Variants in POU3F3 observed in about 807,000 individuals in gnomAD.
POU3F3 encodes POU class 3 homeobox 3.
Under a neutral mutation model 8.6 loss-of-function variants are expected in POU3F3, and 1 was observed. That is an observed-to-expected ratio of 0.12 (90% CI 0.04 to 0.55). The LOEUF is 0.55. POU3F3 is among the 20% of genes least tolerant of loss of function. POU3F3 has a pLI of 0.91. For missense variants in POU3F3, 577 were observed against 690.7 expected (o/e 0.84, Z 1.84); for synonymous variants, 418 against 327.4 (o/e 1.28, Z -2.99).
At position 104,856,682 on chromosome 2, in the gene POU3F3, C is replaced by T; in HGVS notation, c.1172C>T (p.Thr391Ile). 2 of 1,614,126 alleles carry T rather than the reference C, an allele frequency of 1.2e-6. No individual in the cohort carries two copies. Among genetic ancestry groups the T allele is most frequent in the East Asian group, 2.2e-5 (1 of 44,860 alleles). ...NKWLEEADSS[T>I]GSPTSIDKIA... ...TGGCTGGAGGAGGCGGACTCAAGCACCGGCAGCCCCACAAGCATCGACAAG... is the reference window on the plus strand; with the variant it reads ...TGGCTGGAGGAGGCGGACTCAAGCATCGGCAGCCCCACAAGCATCGACAAG... Residue 391 changes from threonine to isoleucine, a missense_variant, in exon 1 of 1, where the codon ACC (threonine) becomes ATC (isoleucine). Around this residue, in one of 7 missense-constraint regions of POU3F3, gnomAD observed 15 missense variants for 17.1 expected, o/e 0.88. Transcript: ENST00000361360.
At chr2:104,909,835 C>G in the POU3F3 span, among the ~76,000 whole-genome samples, 1 of 152,158 alleles carries the variant, frequency 6.6e-6, no homozygotes, top group Non-Finnish European at 1.5e-5. Context: ...GCAGGAATGC[C>G]TAATCTCTTG....
chr2:104,856,092 A>AGCC lies in POU3F3; in HGVS notation c.585_587dup (p.Ala204dup). 1 of 1,033,184 alleles carries AGCC rather than the reference A, an allele frequency of 9.7e-7. No homozygotes were observed. Among genetic ancestry groups the AGCC allele is most frequent in the Non-Finnish European group, 1.1e-6 (1 of 871,228 alleles). The allele number at this position is 1,033,184 out of a possible 1,614,324, so 64.0% of individuals were successfully genotyped here. A position where few individuals can be genotyped will look rare whatever the true frequency, so the allele number is the denominator to read the frequency against. ...GCTGGGGGGCGGCCGCCGCTGCCGC[A>AGCC]GCCGCAGCCGCCGCCGCCGCCGCCG... On this transcript the variant is annotated inframe_insertion, in exon 1 of 1. Coordinates refer to ENST00000361360, the MANE Select transcript of POU3F3 (RefSeq NM_006236.3).
the POU3F3 span, among the ~76,000 whole-genome samples, chr2:104,925,778 G>A: frequency 6.6e-6 from 1 of 152,150 alleles, no homozygotes; most frequent in East Asian, 1.9e-4. Context: ...GACAGAATCA[G>A]AGAAAATTAG....
At chr2:104,920,879 A>G in the POU3F3 span, among the ~76,000 whole-genome samples, 17 of 152,240 alleles carry the variant, frequency 1.1e-4, no homozygotes, top group Non-Finnish European at 2.4e-4. Context: ...TTGTGTTACA[A>G]TCTCTAAGGT....
upstream of POU3F3, chr2:104,853,930 A>T (rs544569528): frequency 4.1e-4 from 62 of 152,126 alleles, 1 homozygote; most frequent in African/African-American, 1.4e-3. Flanking sequence ...AGCTTCTACG[A>T]CGCTCTGCCT....
the POU3F3 span, among the ~76,000 whole-genome samples, chr2:104,900,237 C>T: frequency 6.6e-6 from 1 of 152,082 alleles, no homozygotes; most frequent in Non-Finnish European, 1.5e-5. Flanking sequence ...CAGACAAGGG[C>T]CATAAACGAT....
At chr2:104,898,569 G>T in the POU3F3 span, among the ~76,000 whole-genome samples, 1 of 152,128 alleles carries the variant, frequency 6.6e-6, no homozygotes, top group African/African-American at 2.4e-5. Flanking sequence ...CATATAAAGA[G>T]TTAATTAAAG....
chr2:104,915,886 G>C, the POU3F3 span, among the ~76,000 whole-genome samples: 1 of 151,988 alleles, frequency 6.6e-6, no homozygotes, highest in Non-Finnish European at 1.5e-5. Context: ...GGGTCTTTTA[G>C]ATGCTAATTG....
the POU3F3 span, among the ~76,000 whole-genome samples, chr2:104,882,283 G>A: frequency 1.6e-4 from 22 of 137,496 alleles, no homozygotes; most frequent in Non-Finnish European, 1.5e-4. Flanking sequence ...GTCTCACTCC[G>A]TCGCCCAGGC....
the POU3F3 span, among the ~76,000 whole-genome samples, chr2:104,882,657 G>A: frequency 3.3e-4 from 51 of 152,272 alleles, no homozygotes; most frequent in Middle Eastern, 3.4e-3. Flanking sequence ...ATTAAAAGCT[G>A]TCCTGACTTT....
chr2:104,857,024 C>T lies in POU3F3; in HGVS notation c.*11C>T. The T allele has an allele frequency of 6.4e-7, 1 of 1,564,080 alleles. No individual in the cohort carries two copies. On this transcript the variant is annotated 3_prime_UTR_variant, in exon 1 of 1. Coordinates refer to ENST00000361360, the MANE Select transcript of POU3F3 (RefSeq NM_006236.3). ...ACGAGCGTTCAGTGAAGCCAGGGCG[C>T]AGAGCGAAGAGGGCCGCCGCCGCCG...
chr2:104,889,450 A>C, the POU3F3 span, among the ~76,000 whole-genome samples: 4 of 152,172 alleles, frequency 2.6e-5, no homozygotes, highest in Non-Finnish European at 4.4e-5. Flanking sequence ...CCTGGTGTGC[A>C]TTCCTCCCAG....
chr2:104,893,155 T>TA, the POU3F3 span, among the ~76,000 whole-genome samples: 3 of 152,338 alleles, frequency 2.0e-5, 1 homozygote, highest in South Asian at 6.2e-4. Flanking sequence ...ACCCTCCAAG[T>TA]CACTCAATCA....
At chr2:104,866,322 A>G in the POU3F3 span, 1 of 152,126 alleles carries the variant, frequency 6.6e-6, no homozygotes, top group Non-Finnish European at 1.5e-5. Flanking sequence ...CAGTATTTAC[A>G]TATGTACCTG....
chr2:104,894,530 C>T, the POU3F3 span, among the ~76,000 whole-genome samples: 4,080 of 152,226 alleles, frequency 0.027, 182 homozygotes, highest in African/African-American at 0.094. Flanking sequence ...CCTGCCTGCA[C>T]GAGTGCTGGG....
the POU3F3 span, among the ~76,000 whole-genome samples, chr2:104,924,859 G>A: frequency 6.6e-6 from 1 of 152,086 alleles, no homozygotes; most frequent in Non-Finnish European, 1.5e-5. Flanking sequence ...GTTTGTAAAA[G>A]GTGATTAGTT....
chr2:104,890,412 A>G, the POU3F3 span, among the ~76,000 whole-genome samples: 1 of 152,072 alleles, frequency 6.6e-6, no homozygotes, highest in South Asian at 2.1e-4. Flanking sequence ...CCTGCAGCAC[A>G]AGGTTTGTCC....
chr2:104,888,393 C>T, the POU3F3 span, among the ~76,000 whole-genome samples: 3 of 152,154 alleles, frequency 2.0e-5, no homozygotes, highest in Non-Finnish European at 4.4e-5. Flanking sequence ...GCAGCTGGGA[C>T]CTCAGGCTGG....
chr2:104,855,839 C>T lies in POU3F3; in HGVS notation c.329C>T (p.Ala110Val). Reference sequence around the variant, plus strand: ...CCCCACGCCGCCGCCGCCGCCGCCGCTGCCGCCGCCGCCGCCGTGGAGGCG... The same window carrying T: ...CCCCACGCCGCCGCCGCCGCCGCCGTTGCCGCCGCCGCCGCCGTGGAGGCG... Reference protein sequence around the residue: ...ALPHAAAAAAAAAAAAVEASS... With the variant: ...ALPHAAAAAAVAAAAAVEASS... Residue 110 changes from alanine (A) to valine (V), a missense_variant, in exon 1 of 1, where the codon GCT becomes GTT. Physicochemically the swap from Ala to Val is moderately conservative, Grantham distance 64. This residue lies in a region of POU3F3 where 484 missense variants were observed against 422.6 expected (regional missense o/e 1.15). Coordinates refer to ENST00000361360, the MANE Select transcript of POU3F3 (RefSeq NM_006236.3). 9.0e-7 allele frequency: 1 copy of T among 1,106,052 alleles called. No homozygotes were observed. The highest frequency in any genetic ancestry group is 1.1e-6 in the Non-Finnish European group (1 of 908,952). 68.5% of individuals were successfully genotyped at this position (1,106,052 alleles called of 1,614,324 possible). A position where few individuals can be genotyped will look rare whatever the true frequency, so the allele number is the denominator to read the frequency against.
Sources: gnomAD v4.1 joint callset for allele counts (sites outside exome capture counted in the v4.1 genomes callset) on GRCh38, gnomAD v4.1.1 for gene constraint, gnomAD v4.1.1 regional missense constraint, MANE v1.5 for transcripts, NCBI Gene and HGNC (gene_info 2026-07-23, HGNC 2026-07-21) for gene names.